Variants in LIPA observed in about 807,000 individuals in gnomAD.
LIPA encodes lysosomal acid lipase/cholesteryl ester hydrolase.
A neutral mutation model predicts 40.6 loss-of-function variants in LIPA; 26 were observed. That is an observed-to-expected ratio of 0.64 (90% CI 0.47 to 0.89). LIPA has a LOEUF of 0.89. LIPA is among the 40% of genes least tolerant of loss of function. LIPA has a pLI of 0.00. For synonymous variants in LIPA, 188 were observed against 168.4 expected (o/e 1.12, Z -0.90); for missense variants, 455 against 479.6 (o/e 0.95, Z 0.48).
chr10:89,251,900 G>A (rs190839481), upstream of LIPA: 4 of 153,194 alleles, frequency 2.6e-5, no homozygotes, highest in East Asian at 7.7e-4. Flanking sequence ...CCAGCCACCG[G>A]GAAGTGCCTC....
intron 2 of LIPA, chr10:89,392,683 T>A (rs1844274482): frequency 6.2e-7 from 1 of 1,613,764 alleles, no homozygotes; most frequent in Non-Finnish European, 8.5e-7. Context: ...AGCAAAACCC[T>A]GCAGAACGGC....
chr10:89,300,330 T>A lies in LIPA; in HGVS notation c.-2+42281A>T, dbSNP rs150214525. On this transcript the variant is annotated intron_variant, in intron 1 of 5. Transcript: ENST00000282673. ...CAAACATGCCGTTAAATAAAAAAAA[T>A]AAGTTCTAATGTTTGATAGCCGACT... 4.7e-3 allele frequency among the ~76,000 whole-genome samples: 709 copies of A among 152,160 alleles called. 2 individuals carry two copies. Among genetic ancestry groups the A allele is most frequent in the African/African-American group, 0.016 (656 of 41,500 alleles).
upstream of LIPA, among the ~76,000 whole-genome samples, chr10:89,255,896 G>C (rs908946053): frequency 2.0e-5 from 3 of 152,212 alleles, no homozygotes; most frequent in African/African-American, 7.2e-5. Flanking sequence ...TTGCTGAGAA[G>C]ACAAACAGGG....
chr10:89,380,299 T>C (rs927490818), intron 2 of LIPA, among the ~76,000 whole-genome samples: 6 of 152,172 alleles, frequency 3.9e-5, no homozygotes, highest in Non-Finnish European at 5.9e-5. Context: ...CTTCCATTCA[T>C]GCTTATTGAT....
intron 1 of LIPA, among the ~76,000 whole-genome samples, chr10:89,251,424 C>A (rs563798679): frequency 2.6e-5 from 4 of 152,300 alleles, no homozygotes; most frequent in African/African-American, 9.6e-5. Flanking sequence ...CTGCTGTCCT[C>A]GCGGTCCAGG....
At chr10:89,321,048 A>C (rs1435627979) in intron 1 of LIPA, among the ~76,000 whole-genome samples, 10 of 151,908 alleles carry the variant, frequency 6.6e-5, no homozygotes, top group Non-Finnish European at 1.3e-4. Context: ...CCTTCCTTAC[A>C]CCTTATACAA....
chr10:89,381,203 T>C (rs1042038629), intron 2 of LIPA, among the ~76,000 whole-genome samples: 3 of 152,168 alleles, frequency 2.0e-5, no homozygotes, highest in East Asian at 1.9e-4. Context: ...TCTAGAGTAA[T>C]GGAAGTCTGT....
chr10:89,275,984 T>A (rs924086484), intron 1 of LIPA, among the ~76,000 whole-genome samples: 8 of 152,224 alleles, frequency 5.3e-5, no homozygotes, highest in African/African-American at 1.9e-4. Context: ...TGTGTGAGAA[T>A]AATGCCAGCT....
intron 2 of LIPA, chr10:89,392,595 A>G: frequency 1.8e-6 from 2 of 1,129,762 alleles, no homozygotes; most frequent in Non-Finnish European, 2.7e-6. Flanking sequence ...TAGCTCCCTT[A>G]TATAACACTG....
upstream of LIPA, chr10:89,414,570 T>C (rs1841509298): frequency 6.5e-6 from 3 of 462,006 alleles, no homozygotes; most frequent in South Asian, 1.2e-4. Flanking sequence ...TAAGTTTCAG[T>C]TTCTGAGCGC....
At chr10:89,408,921 C>G (rs1841447067) in intron 2 of LIPA, among the ~76,000 whole-genome samples, 1 of 152,182 alleles carries the variant, frequency 6.6e-6, no homozygotes, top group South Asian at 2.1e-4. Context: ...GACCTCAACT[C>G]AGATCATGGG....
chr10:89,304,606 A>C (rs1458718389), intron 1 of LIPA, among the ~76,000 whole-genome samples: 3 of 152,230 alleles, frequency 2.0e-5, no homozygotes, highest in Non-Finnish European at 4.4e-5. Context: ...CCACGAAAAA[A>C]AAATTTAAAT....
intron 2 of LIPA, among the ~76,000 whole-genome samples, chr10:89,390,889 T>G (rs1844243046): frequency 6.6e-6 from 1 of 152,262 alleles, no homozygotes; most frequent in Admixed American, 6.5e-5. Context: ...CCAAAAGATG[T>G]TTTCTAATTC....
intron 1 of LIPA, among the ~76,000 whole-genome samples, chr10:89,287,749 C>T (rs1843349174): frequency 6.6e-6 from 1 of 152,186 alleles, no homozygotes; most frequent in African/African-American, 2.4e-5. Context: ...ACAGCATGGC[C>T]TTTTAAAGCC....
chr10:89,312,189 G>A (rs1032340964), intron 1 of LIPA, among the ~76,000 whole-genome samples: 3 of 152,044 alleles, frequency 2.0e-5, no homozygotes, highest in South Asian at 2.1e-4. Context: ...ACCTGTAATC[G>A]CCACACTTTG....
intron 3 of LIPA, among the ~76,000 whole-genome samples, chr10:89,237,186 G>A (rs994444689): frequency 1.3e-5 from 2 of 152,208 alleles, no homozygotes; most frequent in African/African-American, 4.8e-5. Context: ...AGGCTGAGGT[G>A]AGAAGACTGG....
upstream of LIPA, chr10:89,342,790 T>C (rs1397103320): frequency 6.6e-6 from 1 of 152,258 alleles, no homozygotes; most frequent in African/African-American, 2.4e-5. Context: ...CAAGCAGGGA[T>C]GGGGAGCACT....
At chr10:89,333,477 G>A (rs1172279017) in intron 1 of LIPA, among the ~76,000 whole-genome samples, 1 of 152,108 alleles carries the variant, frequency 6.6e-6, no homozygotes, top group Non-Finnish European at 1.5e-5. Flanking sequence ...TTGTATGTGT[G>A]TAAATGTGAA....
chr10:89,317,012 GAAAACTAA>G (rs1321960934), intron 1 of LIPA, among the ~76,000 whole-genome samples: 1 of 152,162 alleles, frequency 6.6e-6, no homozygotes, highest in Non-Finnish European at 1.5e-5. Context: ...CTGTTAGAAG[GAAAACTAA>G]AAAACAGAAA....
Sources: allele counts gnomAD v4.1 joint callset (sites outside exome capture counted in the v4.1 genomes callset), GRCh38; gene constraint gnomAD v4.1.1; transcripts MANE v1.5; gene names NCBI Gene and HGNC (gene_info 2026-07-23, HGNC 2026-07-21).